Variants in RIMKLB observed in about 807,000 individuals in gnomAD.
RIMKLB encodes the protein beta-citrylglutamate synthase B.
RIMKLB carries 7 observed loss-of-function variants against 32.0 expected under a neutral mutation model. That is an observed-to-expected ratio of 0.22 (90% CI 0.12 to 0.41). The LOEUF (loss-of-function observed/expected upper bound fraction) is 0.41. Ranked by LOEUF, RIMKLB falls within the 10% of genes least tolerant of loss-of-function variation. The pLI is 1.00. For missense variants in RIMKLB, 289 were observed against 498.7 expected, an observed-to-expected ratio of 0.58 and a Z score of 4.00; for synonymous variants, 172 against 185.1, an observed-to-expected ratio of 0.93 and a Z score of 0.57.
chr12:8,778,206 A>G (rs2036062335), downstream of RIMKLB, among the ~76,000 whole-genome samples: 1 of 152,206 alleles, frequency 6.6e-6, no homozygotes, highest in Admixed American at 6.5e-5. Flanking sequence ...GACATCAATT[A>G]GGAGTTGACA....
intron 5 of RIMKLB, among the ~76,000 whole-genome samples, chr12:8,760,032 G>C (rs111729550): frequency 0.024 from 3,641 of 152,180 alleles, 134 homozygotes; most frequent in African/African-American, 0.082. Flanking sequence ...TGCCATGTTG[G>C]TGTGCTGCAC....
chr12:8,671,147 G>A, the RIMKLB span, among the ~76,000 whole-genome samples: 17 of 152,168 alleles, frequency 1.1e-4, no homozygotes, highest in African/African-American at 3.1e-4. Flanking sequence ...GACATGGCCC[G>A]GAGACATTTT....
intron 5 of RIMKLB, among the ~76,000 whole-genome samples, chr12:8,771,817 C>G (rs968523647): frequency 4.6e-5 from 7 of 152,174 alleles, no homozygotes; most frequent in African/African-American, 1.7e-4. Context: ...ATTATTGCCT[C>G]TCCATCTGTT....
chr12:8,780,777 A>G (rs922115052), downstream of RIMKLB: 1 of 152,220 alleles, frequency 6.6e-6, no homozygotes, highest in East Asian at 1.9e-4. Context: ...TTTTAGTCTG[A>G]TAGCAATGTT....
intron 1 of RIMKLB, among the ~76,000 whole-genome samples, chr12:8,686,039 C>T (rs1021950821): frequency 1.3e-5 from 2 of 152,156 alleles, no homozygotes; most frequent in East Asian, 1.9e-4. Flanking sequence ...AGCTCTTGAC[C>T]TTGTGATCCG....
At chr12:8,693,138 G>A (rs767351835), upstream of RIMKLB, among the ~76,000 whole-genome samples, 1 of 152,236 alleles carries the variant, frequency 6.6e-6, no homozygotes, top group South Asian at 2.1e-4. Context: ...GCACTTAAAG[G>A]TTTTCGCTTG....
rs1948481672 is a variant in RIMKLB, at chr12:8,749,980, G to A, written c.294G>A (p.Met98Ile). 6.2e-7 allele frequency: 1 copy of A among 1,613,780 alleles called. No individual in the cohort carries two copies. The highest frequency in any genetic ancestry group is 1.1e-5 in the South Asian group (1 of 91,080). Residue 98 changes from methionine (M) to isoleucine (I), a missense_variant, in exon 3 of 6, where the codon ATG becomes ATA. Coordinates refer to ENST00000535829, the MANE Select transcript of RIMKLB (RefSeq NM_001297776.2). ...CTGTTTTGCGCCATCTAGAGAAGAT[G>A]GGATGTCGGTTAATGAACCGACCTC... ...DITVLRHLEK[M>I]GCRLMNRPQA... is the part of the protein sequence containing the mutation.
intron 5 of RIMKLB, among the ~76,000 whole-genome samples, chr12:8,757,647 C>A (rs895805648): frequency 1.3e-5 from 2 of 152,100 alleles, no homozygotes; most frequent in African/African-American, 4.8e-5. Flanking sequence ...ATTTATCTTT[C>A]CTATAATGTA....
At position 8,738,550 on chromosome 12, in the gene RIMKLB, C is replaced by T. The variant is rs767917507; in HGVS notation, c.176-11312C>T. Among the ~76,000 whole-genome samples, 22 of 152,176 alleles carry T rather than the reference C, an allele frequency of 1.4e-4. No homozygotes were observed. The East Asian group carries it at 2.5e-3, about 17-fold the overall frequency. ...CCTGGACAGTATTTGTATGGTCATC[C>T]GTGATGTTTTCTTCTTGACTATTCA... On this transcript the variant is annotated intron_variant, in intron 2 of 5. Transcript: ENST00000535829.
intron 1 of RIMKLB, among the ~76,000 whole-genome samples, chr12:8,698,736 C>T (rs1273481429): frequency 1.4e-5 from 2 of 143,170 alleles, no homozygotes; most frequent in Non-Finnish European, 3.1e-5. Context: ...TTCTATGGAG[C>T]GACCGCGGGA....
At chr12:8,687,060 G>A (rs1003515400) in intron 1 of RIMKLB, among the ~76,000 whole-genome samples, 5 of 152,116 alleles carry the variant, frequency 3.3e-5, no homozygotes, top group African/African-American at 1.2e-4. Flanking sequence ...ATTAAATGCA[G>A]GCTTTCTTAC....
chr12:8,686,646 A>C (rs775700063), intron 1 of RIMKLB, among the ~76,000 whole-genome samples: 1 of 150,118 alleles, frequency 6.7e-6, no homozygotes, highest in East Asian at 2.0e-4. Context: ...CGCCCGGCTA[A>C]TTTTTTTTTG....
chr12:8,734,553 A>T (rs1461381494), intron 2 of RIMKLB, among the ~76,000 whole-genome samples: 1 of 152,202 alleles, frequency 6.6e-6, no homozygotes, highest in Admixed American at 6.5e-5. Context: ...GTATTTAATG[A>T]CATCTAAGGA....
upstream of RIMKLB, among the ~76,000 whole-genome samples, chr12:8,696,158 C>A (rs1942883042): frequency 6.6e-6 from 1 of 152,062 alleles, no homozygotes. Context: ...ATTATTGATC[C>A]TCTGTACATT....
intron 2 of RIMKLB, among the ~76,000 whole-genome samples, chr12:8,734,600 G>A (rs1248600613): frequency 6.6e-6 from 1 of 152,150 alleles, no homozygotes; most frequent in Non-Finnish European, 1.5e-5. Flanking sequence ...AGTTCATTTA[G>A]TGGTACTCAT....
downstream of RIMKLB, among the ~76,000 whole-genome samples, chr12:8,778,724 G>T (rs1300273148): frequency 6.6e-6 from 1 of 151,972 alleles, no homozygotes; most frequent in Non-Finnish European, 1.5e-5. Context: ...TATTATTTTG[G>T]GATATTGTCA....
At chr12:8,750,446 G>C (rs1024867645) in intron 3 of RIMKLB, among the ~76,000 whole-genome samples, 7 of 152,108 alleles carry the variant, frequency 4.6e-5, no homozygotes, top group African/African-American at 1.7e-4. Context: ...CAGCTGATAG[G>C]TCAAATTTGA....
Position 8,776,236 on chromosome 12 carries a change from A to G in RIMKLB, c.*2452A>G. On this transcript the variant is annotated 3_prime_UTR_variant, in exon 6 of 6. Transcript: ENST00000535829. ...TGAAATTAGTTCATTAGCTTTATTC[A>G]CTATTATGCATTCACATGATATTAA... 1.0e-6 allele frequency: 1 copy of G among 979,226 alleles called. No homozygotes were observed. The highest frequency in any genetic ancestry group is 1.2e-6 in the Non-Finnish European group (1 of 824,370). 60.7% of individuals were successfully genotyped at this position (979,226 alleles called of 1,614,324 possible). A position where few individuals can be genotyped will look rare whatever the true frequency, so the allele number is the denominator to read the frequency against.
At chr12:8,733,533 A>G (rs980799114) in intron 2 of RIMKLB, among the ~76,000 whole-genome samples, 20 of 152,192 alleles carry the variant, frequency 1.3e-4, no homozygotes, top group Non-Finnish European at 1.3e-4. Flanking sequence ...AGAAACTAGA[A>G]TAAGTTGAGA....
Sources: gnomAD v4.1 joint callset for allele counts (sites outside exome capture counted in the v4.1 genomes callset) on GRCh38, gnomAD v4.1.1 for gene constraint, MANE v1.5 for transcripts, NCBI Gene and HGNC (gene_info 2026-07-23, HGNC 2026-07-21) for gene names.